Variants in SMARCC1 observed in about 807,000 individuals in gnomAD.
SMARCC1 encodes SWI/SNF related BAF chromatin remodeling complex subunit C1, also known as SWI/SNF complex subunit SMARCC1.
In SMARCC1, 43 loss-of-function variants were observed where a neutral mutation model predicts 147.4. The ratio of observed to expected loss-of-function variants is 0.29; its 90% CI spans 0.23 to 0.38. SMARCC1 has a LOEUF of 0.38. SMARCC1 is among the 10% of genes least tolerant of loss of function. The probability of loss-of-function intolerance (pLI) is 1.00; values close to 1 mark genes in which losing one functional copy is unlikely to be tolerated. For synonymous variants in SMARCC1, 495 were observed against 484.4 expected (o/e 1.02, Z -0.29); for missense variants, 1,119 against 1,381.1 (o/e 0.81, Z 3.01).
chr3:47,642,740 T>G (rs1460695640), intron 21 of SMARCC1, among the ~76,000 whole-genome samples: 1 of 151,960 alleles, frequency 6.6e-6, no homozygotes, highest in African/African-American at 2.4e-5. Context: ...ACATATGCTT[T>G]GGGAAAAAAA....
chr3:47,624,831 C>T (rs745872472), intron 24 of SMARCC1, among the ~76,000 whole-genome samples: 4 of 147,122 alleles, frequency 2.7e-5, no homozygotes, highest in Non-Finnish European at 5.9e-5. Context: ...GAGTGGATTA[C>T]AGAAGGCCAG....
intron 14 of SMARCC1, among the ~76,000 whole-genome samples, chr3:47,685,825 C>A (rs2033714942): frequency 6.6e-6 from 1 of 152,158 alleles, no homozygotes; most frequent in Admixed American, 6.6e-5. Context: ...CCACTGCATT[C>A]TAGCCAGGGT....
rs1197792079 is a variant in SMARCC1 at position 47,585,287 on chromosome 3, G to GT, written c.*2921dup. On this transcript the variant is annotated 3_prime_UTR_variant, in exon 28 of 28. Transcript: ENST00000254480. ...ACACAAGTTTATAAACCAGTCTTTA[G>GT]TTTCGATAAAGGATTAACCTCCCCC... 1 of 152,156 alleles carries GT rather than the reference G, an allele frequency of 6.6e-6. No individual in the cohort carries two copies. The highest frequency in any genetic ancestry group is 2.4e-5 in the African/African-American group (1 of 41,438). 9.4% of individuals were successfully genotyped at this position (152,156 alleles called of 1,614,324 possible). A position where few individuals can be genotyped will look rare whatever the true frequency, so the allele number is the denominator to read the frequency against.
chr3:47,652,949 CT>C (rs55872948), intron 21 of SMARCC1, among the ~76,000 whole-genome samples: 63 of 129,648 alleles, frequency 4.9e-4, no homozygotes, highest in South Asian at 2.1e-3. Context: ...GCTTTACTTT[CT>C]TTTTTTTTTT....
intron 11 of SMARCC1, among the ~76,000 whole-genome samples, chr3:47,699,695 A>G (rs73083179): frequency 0.012 from 1,768 of 152,058 alleles, 19 homozygotes; most frequent in Non-Finnish European, 0.019. Flanking sequence ...CCCAGTGCCC[A>G]TCTTAATTAT....
chr3:47,738,617 G>A (rs1418335864), intron 3 of SMARCC1, among the ~76,000 whole-genome samples: 1 of 152,046 alleles, frequency 6.6e-6, no homozygotes, highest in Non-Finnish European at 1.5e-5. Flanking sequence ...CCGAGAGGCG[G>A]AGGTTGCAGT....
At chr3:47,740,864 AAAAAAC>A (rs1178509331) in intron 3 of SMARCC1, among the ~76,000 whole-genome samples, 6 of 151,620 alleles carry the variant, frequency 4.0e-5, no homozygotes, top group Non-Finnish European at 7.4e-5. Flanking sequence ...AAAAAAAAAA[AAAAAAC>A]AAAAACCTAC....
chr3:47,706,368 G>A (rs548813520), intron 10 of SMARCC1, 41 bp downstream of exon 10: 9 of 1,463,238 alleles, frequency 6.2e-6, no homozygotes, highest in East Asian at 2.7e-5. Context: ...CACCACGTCC[G>A]GCCTGTTTTA....
intron 25 of SMARCC1, among the ~76,000 whole-genome samples, chr3:47,618,651 A>C (rs2032682764): frequency 6.6e-6 from 1 of 152,158 alleles, no homozygotes; most frequent in South Asian, 2.1e-4. Context: ...CTGAGAGAAG[A>C]GGAGCGGTTA....
Position 47,675,608 on chromosome 3 carries a change from A to C in SMARCC1, c.1726-20T>G, listed in dbSNP as rs1304500700. On this transcript the variant is annotated intron_variant, in intron 17 of 27. Transcript: ENST00000254480. Reference sequence around the variant, plus strand: ...AGGAACCTGAGTCAAATAAATGATAAATGGCTGAGTTAGCCTCTTTAAAGT... The same window carrying C: ...AGGAACCTGAGTCAAATAAATGATACATGGCTGAGTTAGCCTCTTTAAAGT... The C allele has an allele frequency of 4.6e-6, 6 of 1,301,344 alleles. No individual in the cohort carries two copies. In the South Asian group the frequency reaches 7.1e-5, roughly 15 times the overall value. 80.6% of individuals were successfully genotyped at this position (1,301,344 alleles called of 1,614,324 possible).
chr3:47,669,533 C>T (rs2033469320), intron 19 of SMARCC1, among the ~76,000 whole-genome samples: 1 of 151,760 alleles, frequency 6.6e-6, no homozygotes, highest in Non-Finnish European at 1.5e-5. Context: ...TCAGTCAGTA[C>T]CATAGGAAAG....
In SMARCC1 at chr3:47,588,151, T is replaced by A; in HGVS notation, c.*58A>T. 7.4e-7 allele frequency: 1 copy of A among 1,349,440 alleles called. No homozygotes were observed. The highest frequency in any genetic ancestry group is 1.0e-6 in the Non-Finnish European group (1 of 954,166). The allele number at this position is 1,349,440 out of a possible 1,614,324, so 83.6% of individuals were successfully genotyped here. A position where few individuals can be genotyped will look rare whatever the true frequency, so the allele number is the denominator to read the frequency against. On this transcript the variant is annotated 3_prime_UTR_variant, in exon 28 of 28. Coordinates refer to ENST00000254480, the MANE Select transcript of SMARCC1 (RefSeq NM_003074.4). The stretch of plus-strand genomic sequence containing the variant: ...CCAAGAAAGTTGAGGAACACAAGTC[T>A]TGTCATCCCCACTCCAGCTCATGGT...
intron 26 of SMARCC1, chr3:47,601,913 T>C (rs11929303): frequency 0.27 from 40,911 of 152,100 alleles, 6,087 homozygotes; most frequent in South Asian, 0.43. Context: ...TTGCCCAGGC[T>C]GGTCTTGAAT....
At chr3:47,657,712 C>A (rs1363449714) in intron 21 of SMARCC1, among the ~76,000 whole-genome samples, 1 of 151,912 alleles carries the variant, frequency 6.6e-6, no homozygotes, top group East Asian at 1.9e-4. Context: ...ACTCGGGAGG[C>A]TGAGGCAAGA....
chr3:47,749,116 A>T (rs2034599024), intron 2 of SMARCC1, among the ~76,000 whole-genome samples: 1 of 152,098 alleles, frequency 6.6e-6, no homozygotes, highest in African/African-American at 2.4e-5. Flanking sequence ...AAGCCTGGCC[A>T]ACATGGTGAA....
In SMARCC1 at chr3:47,661,394, T is replaced by C. The variant is rs142094173; in HGVS notation, c.2220A>G (p.Lys740=). ...PLELVEAHVK[K]VQEAARASGK... is the part of the protein sequence containing the mutation. ...CAGAGGCTCGTGCTGCTTCTTGTACTTTCTTGACATGAGCTTCAACCAATT... is the reference window on the plus strand; with the variant it reads ...CAGAGGCTCGTGCTGCTTCTTGTACCTTCTTGACATGAGCTTCAACCAATT... The change falls in exon 21 of 28, where the codon AAA becomes AAG. Residue 740 remains lysine, a synonymous_variant. Coordinates refer to ENST00000254480, the MANE Select transcript of SMARCC1 (RefSeq NM_003074.4). 44 of 1,613,882 alleles carry C rather than the reference T, an allele frequency of 2.7e-5. No individual in the cohort carries two copies. In the African/African-American group the frequency reaches 5.1e-4, roughly 19 times the overall value.
At chr3:47,768,638 T>C (rs1293144644) in intron 2 of SMARCC1, among the ~76,000 whole-genome samples, 1 of 152,160 alleles carries the variant, frequency 6.6e-6, no homozygotes, top group Non-Finnish European at 1.5e-5. Flanking sequence ...TGAATTAAAC[T>C]ATTGAAAACC....
intron 19 of SMARCC1, among the ~76,000 whole-genome samples, chr3:47,669,064 G>C (rs746100118): frequency 4.6e-5 from 7 of 152,200 alleles, no homozygotes; most frequent in Non-Finnish European, 7.3e-5. Context: ...AATCGAAGAT[G>C]TTAGTGGTAA....
At chr3:47,735,223 C>T (rs903597114) in intron 5 of SMARCC1, among the ~76,000 whole-genome samples, 1 of 151,998 alleles carries the variant, frequency 6.6e-6, no homozygotes, top group South Asian at 2.1e-4. Context: ...ATACATAATA[C>T]ACTAGTTTCC....
Sources: allele counts gnomAD v4.1 joint callset (sites outside exome capture counted in the v4.1 genomes callset), GRCh38; gene constraint gnomAD v4.1.1; transcripts MANE v1.5; gene names NCBI Gene and HGNC (gene_info 2026-07-23, HGNC 2026-07-21).